Variants in RRP12 observed in about 807,000 individuals in gnomAD.
RRP12 encodes RRP12-like protein.
RRP12 carries 78 observed loss-of-function variants against 157.3 expected under a neutral mutation model. The observed-to-expected ratio is 0.50, with a 90% confidence interval of 0.41 to 0.60. The LOEUF is 0.60. Among genes scored for constraint, RRP12 ranks in the 20% least tolerant of loss-of-function variants. The probability of loss-of-function intolerance (pLI) is 0.00; values close to 1 mark genes in which losing one functional copy is unlikely to be tolerated. For missense variants in RRP12, 1,521 were observed against 1,679.9 expected (o/e 0.91, Z 1.65); for synonymous variants, 726 against 670.9 (o/e 1.08, Z -1.27).
At chr10:97,363,314 C>T (rs1843889634) in intron 30 of RRP12, among the ~76,000 whole-genome samples, 1 of 152,216 alleles carries the variant, frequency 6.6e-6, no homozygotes, top group Admixed American at 6.5e-5. Flanking sequence ...TCCATCCTGG[C>T]AGGCAGCACT....
At chr10:97,370,688 C>T in intron 22 of RRP12, 28 bp downstream of exon 22, 1 of 1,612,206 alleles carries the variant, frequency 6.2e-7, no homozygotes, top group East Asian at 2.2e-5. Context: ...TCCAGGGACC[C>T]CCCTCTAAAA....
Position 97,358,598 on chromosome 10 carries a change from T to C in RRP12, c.3730A>G (p.Lys1244Glu), listed in dbSNP as rs752431560. Residue 1244 changes from lysine (K) to glutamate (E), a missense_variant, in exon 33 of 34, where the codon AAG (lysine) becomes GAG (glutamate). Physicochemically the swap from Lys to Glu is moderately conservative, Grantham distance 56. Transcript: ENST00000370992. ...GCATAGGGATCCGGCCGGCCTTTCT[T>C]CTTCACATCACCTTTTGCTTTCTGC... ...KAKKAKGDVK[K>E]KGRPDPYAYI... 2 of 1,613,932 alleles carry C rather than the reference T, an allele frequency of 1.2e-6. No homozygotes were observed. Among genetic ancestry groups the C allele is most frequent in the Admixed American group, 3.3e-5 (2 of 59,998 alleles).
chr10:97,379,278 A>T lies in RRP12; in HGVS notation c.1798+15T>A. The T allele has an allele frequency of 6.2e-7, 1 of 1,613,340 alleles. No individual in the cohort carries two copies. The highest frequency in any genetic ancestry group is 8.5e-7 in the Non-Finnish European group (1 of 1,179,526). ...GGGGAGCCTCAGGTCACACACAGGCAAGGGTCTCTCCTACCTTTGCTCTTC... is the reference window on the plus strand; with the variant it reads ...GGGGAGCCTCAGGTCACACACAGGCTAGGGTCTCTCCTACCTTTGCTCTTC... On this transcript the variant is annotated intron_variant, in intron 15 of 33. Transcript: ENST00000370992.
At chr10:97,389,323 G>A (rs1268229839) in intron 6 of RRP12, among the ~76,000 whole-genome samples, 1 of 152,090 alleles carries the variant, frequency 6.6e-6, no homozygotes, top group African/African-American at 2.4e-5. Context: ...TCGATCTCCT[G>A]ACCTCGTGAT....
chr10:97,357,253 T>C, intron 33 of RRP12, 57 bp from the exon 34 acceptor site: 1 of 1,116,952 alleles, frequency 9.0e-7, no homozygotes, highest in Non-Finnish European at 1.3e-6. Context: ...GGCCCCCTCC[T>C]GTTGCCAAAT....
intron 3 of RRP12, among the ~76,000 whole-genome samples, chr10:97,395,551 CAA>C (rs879295022): frequency 5.9e-5 from 7 of 118,046 alleles, no homozygotes; most frequent in Non-Finnish European, 8.9e-5. Flanking sequence ...GACTCTGTTT[CAA>C]AAAAAAAAAA....
At chr10:97,370,329 C>T in intron 23 of RRP12, 55 bp from the exon 24 acceptor site, 1 of 1,441,074 alleles carries the variant, frequency 6.9e-7, no homozygotes, top group Non-Finnish European at 9.6e-7. Flanking sequence ...GGTAGGGGGG[C>T]TGAGGGCCAG....
At chr10:97,386,688 A>T (rs1293322611) in intron 8 of RRP12, among the ~76,000 whole-genome samples, 1 of 152,158 alleles carries the variant, frequency 6.6e-6, no homozygotes, top group African/African-American at 2.4e-5. Flanking sequence ...ATGTAAATAA[A>T]CACTACAAGA....
At chr10:97,399,427 C>T (rs1486808835) in intron 2 of RRP12, among the ~76,000 whole-genome samples, 1 of 152,074 alleles carries the variant, frequency 6.6e-6, no homozygotes, top group Non-Finnish European at 1.5e-5. Context: ...TTAACAGGAG[C>T]TCTGTGAATG....
At chr10:97,363,409 T>C (rs1282449028) in intron 30 of RRP12, among the ~76,000 whole-genome samples, 4 of 152,174 alleles carry the variant, frequency 2.6e-5, no homozygotes, top group Non-Finnish European at 5.9e-5. Flanking sequence ...ATTCCTGGTT[T>C]GCACAGACTG....
chr10:97,362,904 G>A (rs1208714343), intron 30 of RRP12, among the ~76,000 whole-genome samples: 8 of 152,194 alleles, frequency 5.3e-5, no homozygotes, highest in South Asian at 2.1e-4. Flanking sequence ...CAATGAAAAC[G>A]GGGATGTGGG....
chr10:97,370,233 C>T lies in RRP12; in HGVS notation c.2731G>A (p.Val911Met), dbSNP rs750295475. Residue 911 changes from valine (V) to methionine (M), a missense_variant, in exon 24 of 34, where the codon GTG (valine) becomes ATG (methionine). By Grantham distance (21) the Val-to-Met change is conservative (BLOSUM62 1). Transcript: ENST00000370992. ...CYLVLIYPGL[V>M]GAVTMVSCSI... ...CAGCTGACCATGGTCACCGCGCCCA[C>T]CAGGCCAGGGTAGATCAGGACGAGG... 8 of 1,605,456 alleles carry T rather than the reference C, an allele frequency of 5.0e-6. No homozygotes were observed. The highest frequency in any genetic ancestry group is 1.3e-5 in the African/African-American group (1 of 74,850).
At chr10:97,360,413 A>T in intron 31 of RRP12, 133 bp downstream of exon 31, 2 of 714,140 alleles carry the variant, frequency 2.8e-6, no homozygotes, top group Non-Finnish European at 5.0e-6. Context: ...ATATCAGCCA[A>T]CCTCTGTTGG....
At chr10:97,364,578 A>G (rs1441483223) in intron 29 of RRP12, among the ~76,000 whole-genome samples, 1 of 152,198 alleles carries the variant, frequency 6.6e-6, no homozygotes, top group East Asian at 1.9e-4. Context: ...TTAGCTGGGC[A>G]TGGTGGCGCA....
intron 9 of RRP12, among the ~76,000 whole-genome samples, chr10:97,385,557 C>A (rs1292197608): frequency 6.6e-6 from 1 of 151,760 alleles, no homozygotes; most frequent in Non-Finnish European, 1.5e-5. Context: ...ATTTTGCTAA[C>A]AATTTGGGGG....
At chr10:97,381,884 C>T (rs1844478303) in intron 10 of RRP12, 58 bp from the exon 11 acceptor site, 1 of 1,235,536 alleles carries the variant, frequency 8.1e-7, no homozygotes, top group East Asian at 2.4e-5. Flanking sequence ...CCCGGGCAAC[C>T]AGGGCTCAGG....
chr10:97,364,711 T>C (rs1843927416), intron 29 of RRP12, among the ~76,000 whole-genome samples: 2 of 151,694 alleles, frequency 1.3e-5, no homozygotes. Context: ...AGCGAGACTC[T>C]ATCTCCAAAG....
At chr10:97,385,769 C>T (rs1844613963) in intron 9 of RRP12, 126 bp downstream of exon 9, 1 of 663,558 alleles carries the variant, frequency 1.5e-6, no homozygotes, top group South Asian at 1.7e-5. Flanking sequence ...CTGGCCTCTT[C>T]CACTAGGACA....
intron 3 of RRP12, among the ~76,000 whole-genome samples, chr10:97,394,956 G>T (rs193140914): frequency 1.3e-5 from 2 of 151,228 alleles, no homozygotes; most frequent in African/African-American, 4.9e-5. Context: ...AAGCTTGGGC[G>T]ACATGACGAA....
Sources: allele counts gnomAD v4.1 joint callset (sites outside exome capture counted in the v4.1 genomes callset), GRCh38; gene constraint gnomAD v4.1.1; transcripts MANE v1.5; gene names NCBI Gene and HGNC (gene_info 2026-07-23, HGNC 2026-07-21).